Variants in COG6 observed in about 807,000 individuals in gnomAD.
COG6 encodes conserved oligomeric Golgi complex subunit 6.
COG6 carries 74 observed loss-of-function variants against 88.8 expected under a neutral mutation model. That is an observed-to-expected ratio of 0.83 (90% confidence interval 0.69 to 1.01). The LOEUF (loss-of-function observed/expected upper bound fraction) is 1.01. Among genes scored for constraint, COG6 ranks in the 50% least tolerant of loss-of-function variants. The pLI, the probability that COG6 is intolerant of heterozygous loss-of-function variation, is 0.00. For synonymous variants in COG6, 286 were observed against 278.7 expected (o/e 1.03, Z -0.26); for missense variants, 800 against 797.9 (o/e 1.00, Z -0.03).
rs981563178 is a variant in COG6, at chr13:39,752,403, G to A, written c.*1310G>A. ...TTGGAGTAAGAATGATTATATAATCGTTATCCATTTGGGTATAAATCTGTA... is the reference window on the plus strand; with the variant it reads ...TTGGAGTAAGAATGATTATATAATCATTATCCATTTGGGTATAAATCTGTA... On this transcript the variant is annotated 3_prime_UTR_variant, in exon 19 of 19. Coordinates refer to ENST00000455146, the MANE Select transcript of COG6 (RefSeq NM_020751.3). 1.1e-5 allele frequency: 11 copies of A among 1,010,110 alleles called. No individual in the cohort carries two copies. In the Admixed American group the frequency reaches 2.6e-4, roughly 24 times the overall value. The allele number at this position is 1,010,110 out of a possible 1,614,324, so 62.6% of individuals were successfully genotyped here.
At position 39,703,538 on chromosome 13, in the gene COG6, T is replaced by C. The variant is rs548662883; in HGVS notation, c.1284+3920T>C. Among the ~76,000 whole-genome samples, 5 of 152,308 alleles carry C rather than the reference T, an allele frequency of 3.3e-5. No homozygotes were observed. The South Asian group carries it at 1.0e-3, about 32-fold the overall frequency. Reference sequence around the variant, plus strand: ...GCCTTTAAAATTTGCCTGTAGTATTTTCTGACACATCAACTTTTAATTTTT... The same window carrying C: ...GCCTTTAAAATTTGCCTGTAGTATTCTCTGACACATCAACTTTTAATTTTT... On this transcript the variant is annotated intron_variant, in intron 13 of 18. Transcript: ENST00000455146.
intron 13 of COG6, among the ~76,000 whole-genome samples, chr13:39,711,337 T>G (rs1009169572): frequency 3.9e-5 from 6 of 152,196 alleles, no homozygotes; most frequent in African/African-American, 1.2e-4. Flanking sequence ...CACCTTATCA[T>G]AGATTCCCTA....
chr13:39,785,541 T>C (rs1190271104), intron 18 of COG6: 2 of 152,212 alleles, frequency 1.3e-5, no homozygotes, highest in African/African-American at 2.4e-5. Flanking sequence ...CTTATGTCTA[T>C]GGTCATTTTC....
intron 4 of COG6, among the ~76,000 whole-genome samples, chr13:39,666,157 T>C (rs1875249594): frequency 6.6e-6 from 1 of 152,238 alleles, no homozygotes. Flanking sequence ...CAATGGGTTG[T>C]AAATTATGAT....
chr13:39,729,695 CAAT>C (rs1344332946), intron 18 of COG6, among the ~76,000 whole-genome samples: 2 of 152,082 alleles, frequency 1.3e-5, no homozygotes, highest in African/African-American at 4.8e-5. Context: ...AGACTGCTGA[CAAT>C]AAAACATTTA....
chr13:39,758,423 G>A (rs1225099691), intron 18 of COG6, among the ~76,000 whole-genome samples: 1 of 152,058 alleles, frequency 6.6e-6, no homozygotes, highest in African/African-American at 2.4e-5. Flanking sequence ...AAATTTTAAA[G>A]TGTGCCAAGT....
intron 4 of COG6, among the ~76,000 whole-genome samples, chr13:39,677,043 C>T (rs1265404797): frequency 1.3e-5 from 2 of 152,010 alleles, no homozygotes; most frequent in East Asian, 1.9e-4. Flanking sequence ...TTGATATGTA[C>T]GTCATGTGAA....
chr13:39,694,552 A>G (rs1877153110), intron 11 of COG6, 82 bp from the exon 12 acceptor site: 2 of 819,030 alleles, frequency 2.4e-6, no homozygotes, highest in Non-Finnish European at 4.2e-6. Context: ...TATCTTTGTT[A>G]TGCTATTCAT....
At chr13:39,757,570 A>AT (rs1363095433), downstream of COG6, among the ~76,000 whole-genome samples, 1 of 152,010 alleles carries the variant, frequency 6.6e-6, no homozygotes, top group African/African-American at 2.4e-5. Context: ...TGACTGAACA[A>AT]TAAAAAAAAA....
Position 39,682,236 on chromosome 13 carries a change from G to A in COG6, c.760G>A (p.Ala254Thr). Reference sequence around the variant, plus strand: ...TCCAGTATTGACACAGGCAATGGAAGCCCTGCAGGACAGACCTGTCTTATA... The same window carrying A: ...TCCAGTATTGACACAGGCAATGGAAACCCTGCAGGACAGACCTGTCTTATA... ...VSPVLTQAME[A>T]LQDRPVLYKY... is the part of the protein sequence containing the mutation. The change falls in exon 8 of 19, where the codon GCC becomes ACC. Residue 254 changes from alanine (A) to threonine (T), a missense_variant. Ala to Thr is a moderately conservative substitution (Grantham distance 58, BLOSUM62 0). Transcript: ENST00000455146. The A allele has an allele frequency of 6.2e-7, 1 of 1,611,744 alleles. No homozygotes were observed. The highest frequency in any genetic ancestry group is 1.1e-5 in the South Asian group (1 of 91,032).
rs377421484 is a variant in COG6, at chr13:39,741,457, G to T, written c.1827-9489G>T. ...AACCATGGCACGAGAACTATGTGAC[G>T]CATGCACAAGCTTCAATAGTCGATT... On this transcript the variant is annotated intron_variant, in intron 18 of 18. Coordinates refer to ENST00000455146, the MANE Select transcript of COG6 (RefSeq NM_020751.3). Among the ~76,000 whole-genome samples the T allele has an allele frequency of 5.1e-4, 78 of 152,230 alleles. No homozygotes were observed. In the South Asian group the frequency reaches 0.013, roughly 26 times the overall value.
intron 3 of COG6, among the ~76,000 whole-genome samples, chr13:39,664,881 T>C (rs1320000050): frequency 6.6e-6 from 1 of 152,202 alleles, no homozygotes; most frequent in African/African-American, 2.4e-5. Context: ...TTTTTCTTTC[T>C]TGTAAGCCTT....
chr13:39,748,538 C>T (rs1381794488), intron 18 of COG6, among the ~76,000 whole-genome samples: 4 of 151,814 alleles, frequency 2.6e-5, no homozygotes, highest in East Asian at 1.9e-4. Context: ...TCACTTGAAC[C>T]GGGAAGGCAG....
At chr13:39,734,190 T>A (rs1011600677) in intron 18 of COG6, among the ~76,000 whole-genome samples, 1 of 152,134 alleles carries the variant, frequency 6.6e-6, no homozygotes. Flanking sequence ...AAATGTATCA[T>A]TAGGTTGTTT....
At chr13:39,670,922 G>A (rs942224772) in intron 4 of COG6, among the ~76,000 whole-genome samples, 1 of 151,964 alleles carries the variant, frequency 6.6e-6, no homozygotes, top group Non-Finnish European at 1.5e-5. Context: ...TTGCATAAAT[G>A]GTTTTATATT....
intron 13 of COG6, among the ~76,000 whole-genome samples, chr13:39,717,488 C>CA (rs55693852): frequency 1 from 151,431 of 152,070 alleles, 75,404 homozygotes; most frequent in Middle Eastern, 1. Flanking sequence ...TTCATTTTTT[C>CA]AATTCTTTTT....
At chr13:39,765,153 T>TA (rs36081107) in intron 18 of COG6, among the ~76,000 whole-genome samples, 2 of 151,928 alleles carry the variant, frequency 1.3e-5, no homozygotes, top group African/African-American at 4.8e-5. Context: ...ATTTGTTCCT[T>TA]AAAAAAGAGT....
At chr13:39,771,787 T>G (rs1881324301) in intron 18 of COG6, among the ~76,000 whole-genome samples, 1 of 152,216 alleles carries the variant, frequency 6.6e-6, no homozygotes, top group Admixed American at 6.5e-5. Context: ...CACGGGCCCT[T>G]CTCATCTCAT....
chr13:39,786,076 G>A (rs1881764442), intron 18 of COG6, among the ~76,000 whole-genome samples: 1 of 152,142 alleles, frequency 6.6e-6, no homozygotes, highest in Non-Finnish European at 1.5e-5. Context: ...CCAACAGCAG[G>A]AAACATAGGA....
Sources: gnomAD v4.1 joint callset for allele counts (sites outside exome capture counted in the v4.1 genomes callset) on GRCh38, gnomAD v4.1.1 for gene constraint, MANE v1.5 for transcripts, NCBI Gene and HGNC (gene_info 2026-07-23, HGNC 2026-07-21) for gene names.